The following RCOR1 variants were observed in gnomAD, a reference collection of about 807,000 sequenced individuals.
RCOR1 encodes REST corepressor 1, also known as REST corepressor.
A neutral mutation model predicts 64.0 loss-of-function variants in RCOR1; 12 were observed. That is an observed-to-expected ratio of 0.19 (90% CI 0.12 to 0.30). RCOR1 has a LOEUF of 0.30. Among genes scored for constraint, RCOR1 ranks in the 10% least tolerant of loss-of-function variants. RCOR1 has a pLI of 1.00. For synonymous variants in RCOR1, 279 were observed against 227.2 expected (o/e 1.23, Z -2.05); for missense variants, 502 against 621.2 (o/e 0.81, Z 2.04).
chr14:102,593,749 C>T (rs974082919), intron 2 of RCOR1, among the ~76,000 whole-genome samples: 1 of 152,166 alleles, frequency 6.6e-6, no homozygotes, highest in African/African-American at 2.4e-5. Context: ...GGAACCCTTC[C>T]CAAAGGCTGC....
intron 2 of RCOR1, among the ~76,000 whole-genome samples, chr14:102,672,508 G>A (rs577478519): frequency 4.9e-4 from 75 of 152,148 alleles, no homozygotes; most frequent in African/African-American, 1.5e-3. Context: ...CACCACGCCC[G>A]GCCTCTGGGT....
chr14:102,666,104 T>C (rs936686160), intron 2 of RCOR1, among the ~76,000 whole-genome samples: 36 of 152,238 alleles, frequency 2.4e-4, no homozygotes, highest in African/African-American at 7.5e-4. Context: ...TGAGGGGTCT[T>C]GAAGCATTAT....
intron 7 of RCOR1, among the ~76,000 whole-genome samples, chr14:102,711,577 C>G (rs897424377): frequency 6.6e-6 from 1 of 152,038 alleles, no homozygotes; most frequent in South Asian, 2.1e-4. Context: ...TCAGGGGGCT[C>G]GTGAACCTCT....
chr14:102,685,244 GT>G (rs1276137427), intron 3 of RCOR1, among the ~76,000 whole-genome samples: 1 of 152,044 alleles, frequency 6.6e-6, no homozygotes, highest in Non-Finnish European at 1.5e-5. Flanking sequence ...AATGTGAACT[GT>G]TATCAGTCTG....
At chr14:102,648,833 G>A in intron 2 of RCOR1, among the ~76,000 whole-genome samples, 1 of 152,114 alleles carries the variant, frequency 6.6e-6, no homozygotes, top group East Asian at 1.9e-4. Flanking sequence ...CCCAGACATG[G>A]AATCCAGCAA....
chr14:102,684,880 A>G (rs1895384088), intron 3 of RCOR1, among the ~76,000 whole-genome samples: 1 of 152,206 alleles, frequency 6.6e-6, no homozygotes, highest in African/African-American at 2.4e-5. Flanking sequence ...TATTACATGG[A>G]TATGTCAGTA....
At chr14:102,671,920 C>G (rs1033812821) in intron 2 of RCOR1, among the ~76,000 whole-genome samples, 1 of 152,172 alleles carries the variant, frequency 6.6e-6, no homozygotes, top group African/African-American at 2.4e-5. Flanking sequence ...TAAATAAAAT[C>G]ATACAATAGG....
intron 11 of RCOR1, among the ~76,000 whole-genome samples, chr14:102,725,841 G>A (rs1896247342): frequency 6.6e-6 from 1 of 152,104 alleles, no homozygotes; most frequent in Non-Finnish European, 1.5e-5. Flanking sequence ...AAAGTGCTGG[G>A]ATTACAGGCG....
At chr14:102,679,403 C>T (rs1428501263) in intron 2 of RCOR1, among the ~76,000 whole-genome samples, 3 of 151,218 alleles carry the variant, frequency 2.0e-5, no homozygotes, top group Admixed American at 6.6e-5. Context: ...ATTTTGCCTT[C>T]GTGCCTTTAT....
At chr14:102,608,733 A>T (rs571552852) in intron 2 of RCOR1, among the ~76,000 whole-genome samples, 67 of 145,854 alleles carry the variant, frequency 4.6e-4, no homozygotes, top group African/African-American at 6.6e-4. Context: ...TAATTTTAAA[A>T]TTTTTTTTTT....
At chr14:102,620,921 C>G (rs1893859578) in intron 2 of RCOR1, among the ~76,000 whole-genome samples, 2 of 152,058 alleles carry the variant, frequency 1.3e-5, no homozygotes, top group African/African-American at 4.8e-5. Flanking sequence ...GCAAGTATCT[C>G]TAGAATATGA....
intron 2 of RCOR1, chr14:102,657,369 G>A (rs1463328301): frequency 1.0e-6 from 1 of 985,306 alleles, no homozygotes; most frequent in Non-Finnish European, 1.2e-6. Flanking sequence ...CCTAATTTAA[G>A]ACCGATTTAC....
chr14:102,628,026 C>T (rs1894019061), intron 2 of RCOR1, among the ~76,000 whole-genome samples: 1 of 151,748 alleles, frequency 6.6e-6, no homozygotes, highest in Non-Finnish European at 1.5e-5. Context: ...GTCCCAAAAT[C>T]TGCAGCTGGC....
chr14:102,592,963 CCG>C lies in RCOR1; in HGVS notation c.79_80del (p.Ala27ArgfsTer40). 1 of 1,149,706 alleles carries C rather than the reference CCG, an allele frequency of 8.7e-7. No individual in the cohort carries two copies. The highest frequency in any genetic ancestry group is 3.6e-4 in the Middle Eastern group (1 of 2,770). 71.2% of individuals were successfully genotyped at this position (1,149,706 alleles called of 1,614,324 possible). On this transcript the variant is annotated frameshift_variant, in exon 1 of 12. Transcript: ENST00000262241. LOFTEE classifies it high-confidence loss of function. ...AGGAACAACGCGGCCGCCTCCGCCT[CCG>C]CCGCCGCCGCCTCCGCCGCCGCCTC...
At chr14:102,636,489 C>T (rs1166250693) in intron 2 of RCOR1, among the ~76,000 whole-genome samples, 1 of 151,394 alleles carries the variant, frequency 6.6e-6, no homozygotes, top group Non-Finnish European at 1.5e-5. Flanking sequence ...CTATGTTGGC[C>T]AGGCTGGTCT....
chr14:102,679,210 T>A (rs1260213835), intron 2 of RCOR1, among the ~76,000 whole-genome samples: 1 of 152,202 alleles, frequency 6.6e-6, no homozygotes, highest in Admixed American at 6.5e-5. Context: ...CAAAAAGATT[T>A]CCATGTGTTT....
Position 102,726,940 on chromosome 14 carries a change from G to A in RCOR1, c.*434G>A, listed in dbSNP as rs1161581106. ...TCATTTTCAGAGTCACCGCGACCCTGTTGGCCTTCTAGAAAGTTTCTTTTG... is the reference window on the plus strand; with the variant it reads ...TCATTTTCAGAGTCACCGCGACCCTATTGGCCTTCTAGAAAGTTTCTTTTG... On this transcript the variant is annotated 3_prime_UTR_variant, in exon 12 of 12. Transcript: ENST00000262241. 2 of 165,506 alleles carry A rather than the reference G, an allele frequency of 1.2e-5. No individual in the cohort carries two copies. The highest frequency in any genetic ancestry group is 4.8e-5 in the African/African-American group (2 of 41,862). 10.3% of individuals were successfully genotyped at this position (165,506 alleles called of 1,614,324 possible).
chr14:102,635,034 G>C (rs1475005892), intron 2 of RCOR1, among the ~76,000 whole-genome samples: 1 of 151,894 alleles, frequency 6.6e-6, no homozygotes, highest in Non-Finnish European at 1.5e-5. Flanking sequence ...GAGTCTGGCT[G>C]TGTTGGCCTG....
chr14:102,689,318 T>C (rs917424467), intron 3 of RCOR1, among the ~76,000 whole-genome samples: 3 of 151,940 alleles, frequency 2.0e-5, no homozygotes, highest in Non-Finnish European at 4.4e-5. Flanking sequence ...TTGATTATTA[T>C]TATTTTTTTT....
Sources: gnomAD v4.1 joint callset for allele counts (sites outside exome capture counted in the v4.1 genomes callset) on GRCh38, gnomAD v4.1.1 for gene constraint, MANE v1.5 for transcripts, NCBI Gene and HGNC (gene_info 2026-07-23, HGNC 2026-07-21) for gene names.